AGPAT5: variants seen among roughly 807,000 people sequenced by gnomAD.
The protein encoded by AGPAT5 is 1-acyl-sn-glycerol-3-phosphate acyltransferase epsilon.
AGPAT5 carries 46 observed loss-of-function variants against 45.6 expected under a neutral mutation model. The ratio of observed to expected loss-of-function variants is 1.01; its 90% CI spans 0.80 to 1.29. AGPAT5 has a LOEUF of 1.29. AGPAT5 is among the 50% of genes most tolerant of loss of function. The pLI is 0.00. For missense variants in AGPAT5, 673 were observed against 450.7 expected, an observed-to-expected ratio of 1.49 and a Z score of -4.47; for synonymous variants, 272 against 167.0, an observed-to-expected ratio of 1.63 and a Z score of -4.85.
At chr8:6,718,141 C>G (rs918114991) in intron 1 of AGPAT5, among the ~76,000 whole-genome samples, 6 of 152,166 alleles carry the variant, frequency 3.9e-5, no homozygotes, top group African/African-American at 1.4e-4. Context: ...AAAACACACC[C>G]TCTAAAATAA....
chr8:6,742,813 A>G (rs1452650301), intron 5 of AGPAT5, among the ~76,000 whole-genome samples: 1 of 152,190 alleles, frequency 6.6e-6, no homozygotes, highest in East Asian at 1.9e-4. Context: ...CACATGTCCT[A>G]TTAAGTAAGG....
intron 1 of AGPAT5, among the ~76,000 whole-genome samples, chr8:6,721,049 G>T (rs902467838): frequency 6.6e-6 from 1 of 152,210 alleles, no homozygotes. Context: ...CATCTGTTAG[G>T]TTCCATTTAT....
intron 1 of AGPAT5, among the ~76,000 whole-genome samples, chr8:6,719,823 T>C (rs1340738620): frequency 6.6e-6 from 1 of 152,210 alleles, no homozygotes; most frequent in Non-Finnish European, 1.5e-5. Context: ...ATAATCATGT[T>C]CTAATCCGAG....
intron 2 of AGPAT5, among the ~76,000 whole-genome samples, chr8:6,729,308 T>A (rs1046011550): frequency 6.6e-6 from 1 of 151,908 alleles, no homozygotes; most frequent in Non-Finnish European, 1.5e-5. Flanking sequence ...AACTTTATTG[T>A]AATTCCTCTA....
At position 6,760,723 on chromosome 8, in the gene AGPAT5, C is replaced by T. The variant is rs1004500003; in HGVS notation, c.*3335C>T. The stretch of plus-strand genomic sequence containing the variant: ...CCTCCTTTTGGGCCAGTTTTCATTA[C>T]GAGTAACTCACACTTTTTGATTAAA... On this transcript the variant is annotated 3_prime_UTR_variant, in exon 8 of 8. Coordinates refer to ENST00000285518, the MANE Select transcript of AGPAT5 (RefSeq NM_018361.5). Among the ~76,000 whole-genome samples the T allele has an allele frequency of 6.6e-6, 1 of 152,104 alleles. No homozygotes were observed. The highest frequency in any genetic ancestry group is 1.5e-5 in the Non-Finnish European group (1 of 68,018).
intron 4 of AGPAT5, among the ~76,000 whole-genome samples, chr8:6,735,167 C>A (rs1259428164): frequency 6.6e-6 from 1 of 152,122 alleles, no homozygotes; most frequent in Non-Finnish European, 1.5e-5. Context: ...TTTCCCTGTT[C>A]TCTTCACCCA....
At position 6,742,396 on chromosome 8, in the gene AGPAT5, A is replaced by G. The variant is rs1050889576; in HGVS notation, c.586+645A>G. ...CACCAATAAGCTATGCAATTTAACC[A>G]AATTGGGAAGTATACAGAAAACAGT... is the stretch of plus-strand genomic sequence containing the variant. On this transcript the variant is annotated intron_variant, in intron 5 of 7. Transcript: ENST00000285518. Among the ~76,000 whole-genome samples the G allele has an allele frequency of 1.2e-4, 19 of 152,342 alleles. No homozygotes were observed. The East Asian group carries it at 1.9e-3, about 15-fold the overall frequency.
chr8:6,734,364 G>C (rs1448108421), intron 4 of AGPAT5, among the ~76,000 whole-genome samples: 1 of 151,012 alleles, frequency 6.6e-6, no homozygotes, highest in Non-Finnish European at 1.5e-5. Flanking sequence ...TCTTCCTTTG[G>C]CTGTGTTGAG....
At chr8:6,710,715 A>G (rs888210976) in intron 1 of AGPAT5, among the ~76,000 whole-genome samples, 2 of 152,184 alleles carry the variant, frequency 1.3e-5, no homozygotes, top group South Asian at 2.1e-4. Context: ...CTACCTTTCA[A>G]TATTTTTTAT....
intron 1 of AGPAT5, 149 bp downstream of exon 1, chr8:6,709,036 C>G (rs967209405): frequency 3.8e-6 from 3 of 789,540 alleles, no homozygotes; most frequent in South Asian, 2.9e-5. Flanking sequence ...CCTTCCTCTC[C>G]GCATGCTTCC....
chr8:6,715,262 G>T (rs141069855), intron 1 of AGPAT5, among the ~76,000 whole-genome samples: 1 of 152,342 alleles, frequency 6.6e-6, no homozygotes, highest in Non-Finnish European at 1.5e-5. Context: ...ATCTTACTGA[G>T]CAAGTGACAT....
chr8:6,721,431 A>G (rs945532891), intron 1 of AGPAT5, among the ~76,000 whole-genome samples: 4 of 152,226 alleles, frequency 2.6e-5, no homozygotes, highest in Non-Finnish European at 5.9e-5. Flanking sequence ...GTTCCATTTC[A>G]TGGGATAAGA....
At chr8:6,729,595 C>G (rs1800796906) in intron 2 of AGPAT5, among the ~76,000 whole-genome samples, 1 of 152,148 alleles carries the variant, frequency 6.6e-6, no homozygotes, top group Non-Finnish European at 1.5e-5. Context: ...GTTCTTAAGA[C>G]CTGTATCATT....
At chr8:6,741,895 A>G in intron 5 of AGPAT5, 144 bp downstream of exon 5, 1 of 609,436 alleles carries the variant, frequency 1.6e-6, no homozygotes, top group South Asian at 2.2e-5. Flanking sequence ...ATTATCTCTT[A>G]GGAAATGAAG....
chr8:6,753,602 G>A (rs1801728036), intron 6 of AGPAT5, among the ~76,000 whole-genome samples: 1 of 152,128 alleles, frequency 6.6e-6, no homozygotes, highest in African/African-American at 2.4e-5. Context: ...TAGGCACAGA[G>A]AGGCGGACAG....
At chr8:6,726,463 T>A (rs1800690770) in intron 2 of AGPAT5, among the ~76,000 whole-genome samples, 1 of 152,196 alleles carries the variant, frequency 6.6e-6, no homozygotes. Context: ...TCCACTCGAT[T>A]AATAGAGCTC....
intron 6 of AGPAT5, among the ~76,000 whole-genome samples, chr8:6,752,756 A>G (rs530062627): frequency 1.3e-5 from 2 of 152,360 alleles, no homozygotes; most frequent in East Asian, 3.9e-4. Context: ...TACTCATGTA[A>G]CATGAACTAT....
intron 4 of AGPAT5, among the ~76,000 whole-genome samples, chr8:6,734,977 C>G (rs1800997692): frequency 6.6e-6 from 1 of 152,030 alleles, no homozygotes; most frequent in South Asian, 2.1e-4. Context: ...TATGCCTTTC[C>G]CCACTATACT....
chr8:6,729,910 A>G (rs1800806673), intron 2 of AGPAT5, among the ~76,000 whole-genome samples: 1 of 152,180 alleles, frequency 6.6e-6, no homozygotes, highest in African/African-American at 2.4e-5. Context: ...TCTACCCAGC[A>G]TCATTGTAAG....
Sources: gnomAD v4.1 joint callset for allele counts (sites outside exome capture counted in the v4.1 genomes callset) on GRCh38, gnomAD v4.1.1 for gene constraint, MANE v1.5 for transcripts, NCBI Gene and HGNC (gene_info 2026-07-23, HGNC 2026-07-21) for gene names.